The following MAT1A variants were observed in gnomAD, a reference collection of about 807,000 sequenced individuals.
MAT1A encodes S-adenosylmethionine synthase isoform type-1.
MAT1A carries 19 observed loss-of-function variants against 44.0 expected under a neutral mutation model. That is an observed-to-expected ratio of 0.43 (90% CI 0.30 to 0.63). The LOEUF (loss-of-function observed/expected upper bound fraction) is 0.63. Ranked by LOEUF, MAT1A falls within the 30% of genes least tolerant of loss-of-function variation. MAT1A has a pLI of 0.12. For synonymous variants in MAT1A, 205 were observed against 205.6 expected (o/e 1.00, Z 0.03); for missense variants, 397 against 531.0 (o/e 0.75, Z 2.48).
chr10:80,284,340 T>G (rs1170715185), intron 2 of MAT1A, among the ~76,000 whole-genome samples: 1 of 152,076 alleles, frequency 6.6e-6, no homozygotes. Context: ...GACTGCTATG[T>G]GGATTAAAGG....
intron 1 of MAT1A, among the ~76,000 whole-genome samples, chr10:80,289,042 CAGAT>C (rs1472612360): frequency 1.3e-5 from 2 of 152,166 alleles, no homozygotes; most frequent in Non-Finnish European, 2.9e-5. Context: ...AAGTTACAGT[CAGAT>C]AGGAGGAATG....
chr10:80,285,983 G>A (rs979401380), intron 1 of MAT1A, among the ~76,000 whole-genome samples: 10 of 151,888 alleles, frequency 6.6e-5, no homozygotes, highest in Admixed American at 3.3e-4. Context: ...GTGCTACCAC[G>A]CCTGGCTAAT....
intron 3 of MAT1A, among the ~76,000 whole-genome samples, chr10:80,282,794 T>C (rs1446498177): frequency 6.6e-6 from 1 of 152,168 alleles, no homozygotes; most frequent in Non-Finnish European, 1.5e-5. Context: ...CATCATACCA[T>C]GAGTGGGCTC....
At chr10:80,283,796 T>G (rs1025466567) in intron 3 of MAT1A, 120 bp downstream of exon 3, 15 of 1,452,900 alleles carry the variant, frequency 1.0e-5, no homozygotes, top group Admixed American at 1.0e-4. Flanking sequence ...AGTGTAGGAG[T>G]GTTTTCCTCC....
At chr10:80,276,657 G>A (rs1841490467) in intron 5 of MAT1A, 63 bp from the exon 6 acceptor site, 1 of 1,537,940 alleles carries the variant, frequency 6.5e-7, no homozygotes, top group African/African-American at 1.4e-5. Context: ...GCACATCGTG[G>A]CCAGACACAG....
At chr10:80,278,043 G>A (rs999499996) in intron 5 of MAT1A, among the ~76,000 whole-genome samples, 11 of 152,196 alleles carry the variant, frequency 7.2e-5, no homozygotes, top group African/African-American at 2.7e-4. Flanking sequence ...CTGGCCCAGG[G>A]CCTCTCTCAT....
In MAT1A at chr10:80,275,325, T is replaced by C. The variant is rs1312743951; in HGVS notation, c.769-126A>G. 4.6e-6 allele frequency: 4 copies of C among 862,250 alleles called. No homozygotes were observed. The Admixed American group carries it at 8.0e-5, about 17-fold the overall frequency. 53.4% of individuals were successfully genotyped at this position (862,250 alleles called of 1,614,324 possible). A position where few individuals can be genotyped will look rare whatever the true frequency, so the allele number is the denominator to read the frequency against. On this transcript the variant is annotated intron_variant, in intron 6 of 8. Coordinates refer to ENST00000372213, the MANE Select transcript of MAT1A (RefSeq NM_000429.3). ...ATGTCCTGGGGCTGCCCACAGACAT[T>C]TTCCTAAGACCCCTTAGCCCAGAAC...
At position 80,272,010 on chromosome 10, in the gene MAT1A, C is replaced by T. The variant is rs1366533074; in HGVS notation, c.*1771G>A. 4 of 152,180 alleles carry T rather than the reference C, an allele frequency of 2.6e-5. No homozygotes were observed. Among genetic ancestry groups the T allele is most frequent in the African/African-American group, 4.8e-5 (2 of 41,448 alleles). 9.4% of individuals were successfully genotyped at this position (152,180 alleles called of 1,614,324 possible). On this transcript the variant is annotated 3_prime_UTR_variant, in exon 9 of 9. Coordinates refer to ENST00000372213, the MANE Select transcript of MAT1A (RefSeq NM_000429.3). Reference sequence around the variant, plus strand: ...CTTGGCCACCTGCAAACCACTCCCTCCCTCCATGGGAAGGAATCTGAGGCT... The same window carrying T: ...CTTGGCCACCTGCAAACCACTCCCTTCCTCCATGGGAAGGAATCTGAGGCT...
In MAT1A at chr10:80,273,636, T is replaced by C. The variant is rs1841440028; in HGVS notation, c.*145A>G. The C allele has an allele frequency of 2.7e-6, 2 of 746,348 alleles. No individual in the cohort carries two copies. Among genetic ancestry groups the C allele is most frequent in the Non-Finnish European group, 4.9e-6 (2 of 406,122 alleles). 46.2% of individuals were successfully genotyped at this position (746,348 alleles called of 1,614,324 possible). ...CCCTGCCTCCAGCTGGCCATGATGA[T>C]GACAGGACAGGCTAAATGAGAGGGA... On this transcript the variant is annotated 3_prime_UTR_variant, in exon 9 of 9. Transcript: ENST00000372213.
chr10:80,280,616 C>T, intron 4 of MAT1A, 64 bp downstream of exon 4: 1 of 1,384,924 alleles, frequency 7.2e-7, no homozygotes, highest in Non-Finnish European at 1.0e-6. Flanking sequence ...GTGTGATTAA[C>T]CCACTGCTCA....
Position 80,273,411 on chromosome 10 carries a change from T to G in MAT1A, c.*370A>C. 1 of 318,430 alleles carries G rather than the reference T, an allele frequency of 3.1e-6. No individual in the cohort carries two copies. The highest frequency in any genetic ancestry group is 6.2e-6 in the Non-Finnish European group (1 of 162,198). The allele number at this position is 318,430 out of a possible 1,614,324, so 19.7% of individuals were successfully genotyped here. On this transcript the variant is annotated 3_prime_UTR_variant, in exon 9 of 9. Transcript: ENST00000372213. Reference sequence around the variant, plus strand: ...CAAGGAGCCCTGAGGCCTGTTGAGATGTGCTGACCTCACCTGGCACAGGCA... The same window carrying G: ...CAAGGAGCCCTGAGGCCTGTTGAGAGGTGCTGACCTCACCTGGCACAGGCA...
intron 3 of MAT1A, 106 bp from the exon 4 acceptor site, chr10:80,280,898 T>C: frequency 6.0e-6 from 5 of 836,376 alleles, no homozygotes; most frequent in Non-Finnish European, 1.0e-5. Flanking sequence ...GGTGTCAGCG[T>C]GGGGGTTCCC....
intron 3 of MAT1A, among the ~76,000 whole-genome samples, 173 bp from the exon 4 acceptor site, chr10:80,280,965 G>A (rs565579859): frequency 1.3e-5 from 2 of 152,200 alleles, no homozygotes; most frequent in African/African-American, 2.4e-5. Context: ...GAGAGGCCCC[G>A]CACCTTCCCA....
At chr10:80,282,863 G>C (rs552046570) in intron 3 of MAT1A, among the ~76,000 whole-genome samples, 3 of 152,242 alleles carry the variant, frequency 2.0e-5, no homozygotes, top group Admixed American at 2.0e-4. Context: ...CATCACCCTA[G>C]ACAACGATTA....
At chr10:80,278,554 TCTC>T (rs1208076836) in intron 5 of MAT1A, among the ~76,000 whole-genome samples, 2 of 152,184 alleles carry the variant, frequency 1.3e-5, no homozygotes, top group Non-Finnish European at 2.9e-5. Context: ...ATGTTTTAGC[TCTC>T]CTAACTCACA....
In MAT1A at chr10:80,273,578, T is replaced by A; in HGVS notation, c.*203A>T. The A allele has an allele frequency of 1.7e-6, 1 of 599,244 alleles. No homozygotes were observed. The highest frequency in any genetic ancestry group is 3.0e-6 in the Non-Finnish European group (1 of 334,274). 37.1% of individuals were successfully genotyped at this position (599,244 alleles called of 1,614,324 possible). A position where few individuals can be genotyped will look rare whatever the true frequency, so the allele number is the denominator to read the frequency against. ...AGCAGGAGAACACCATGCCCATCCTTACATCAAGATCCAACCTCCAGCACC... is the reference window on the plus strand; with the variant it reads ...AGCAGGAGAACACCATGCCCATCCTAACATCAAGATCCAACCTCCAGCACC... On this transcript the variant is annotated 3_prime_UTR_variant, in exon 9 of 9. Transcript: ENST00000372213.
intron 3 of MAT1A, among the ~76,000 whole-genome samples, chr10:80,281,752 A>C (rs1331831775): frequency 3.9e-5 from 6 of 152,218 alleles, no homozygotes; most frequent in Non-Finnish European, 2.9e-5. Flanking sequence ...GTGGGGATCT[A>C]CTGCCAAGGA....
In MAT1A at chr10:80,276,456, C is replaced by T. The variant is rs767906537; in HGVS notation, c.688G>A (p.Val230Met). The change falls in exon 6 of 9, where the codon GTG becomes ATG. Residue 230 changes from valine to methionine, a missense_variant. Coordinates refer to ENST00000372213, the MANE Select transcript of MAT1A (RefSeq NM_000429.3). ...RALKEQVIRA[V>M]VPAKYLDEDT... is the part of the protein sequence containing the mutation. ...TCGTCCAGGTACTTGGCCGGCACCA[C>T]GGCCCTGATGACTTGCTCCTTCAGG... is the stretch of plus-strand genomic sequence containing the variant. The T allele has an allele frequency of 5.0e-6, 8 of 1,614,086 alleles. No individual in the cohort carries two copies. Among genetic ancestry groups the T allele is most frequent in the African/African-American group, 2.7e-5 (2 of 74,954 alleles).
chr10:80,285,329 G>A (rs1403524637), intron 2 of MAT1A, among the ~76,000 whole-genome samples, 183 bp downstream of exon 2: 23 of 152,298 alleles, frequency 1.5e-4, no homozygotes, highest in Admixed American at 1.4e-3. Flanking sequence ...TTGTTTCATG[G>A]TTAGAAATGT....
Sources: allele counts gnomAD v4.1 joint callset (sites outside exome capture counted in the v4.1 genomes callset), GRCh38; gene constraint gnomAD v4.1.1; transcripts MANE v1.5; gene names NCBI Gene and HGNC (gene_info 2026-07-23, HGNC 2026-07-21).